Variants in DPP10 observed in about 807,000 individuals in gnomAD.
DPP10 encodes the protein dipeptidyl peptidase like 10.
DPP10 carries 33 observed loss-of-function variants against 120.9 expected under a neutral mutation model. That is an observed-to-expected ratio of 0.27 (90% confidence interval 0.21 to 0.37). The LOEUF is 0.37. DPP10 is among the 10% of genes least tolerant of loss of function. The pLI, the probability that DPP10 is intolerant of heterozygous loss-of-function variation, is 1.00. For missense variants in DPP10, 816 were observed against 942.8 expected, an observed-to-expected ratio of 0.87 and a Z score of 1.76; for synonymous variants, 337 against 326.1, an observed-to-expected ratio of 1.03 and a Z score of -0.36.
chr2:115,165,981 T>G (rs2105011242), intron 1 of DPP10, among the ~76,000 whole-genome samples: 1 of 152,366 alleles, frequency 6.6e-6, no homozygotes, highest in South Asian at 2.1e-4. Flanking sequence ...AAGCTGTCAC[T>G]TGATGAAATA....
At chr2:115,407,340 CGAAAG>C (rs2068592779) in intron 3 of DPP10, among the ~76,000 whole-genome samples, 1 of 152,138 alleles carries the variant, frequency 6.6e-6, no homozygotes, top group Non-Finnish European at 1.5e-5. Context: ...CATTCCCCCT[CGAAAG>C]GAGCACATCT....
At chr2:115,729,224 T>TAAAAAA (rs1397085942) in intron 8 of DPP10, among the ~76,000 whole-genome samples, 1 of 152,202 alleles carries the variant, frequency 6.6e-6, no homozygotes, top group Non-Finnish European at 1.5e-5. Flanking sequence ...CAGAATTTAA[T>TAAAAAA]AAACAGGTGG....
At chr2:115,841,512 A>G (rs371424797) in intron 25 of DPP10, among the ~76,000 whole-genome samples, 1 of 152,192 alleles carries the variant, frequency 6.6e-6, no homozygotes, top group African/African-American at 2.4e-5. Flanking sequence ...AAAGTTGCTC[A>G]ACCTGTCTAA....
At chr2:115,797,346 G>A (rs1684653277) in intron 19 of DPP10, among the ~76,000 whole-genome samples, 1 of 151,968 alleles carries the variant, frequency 6.6e-6, no homozygotes, top group South Asian at 2.1e-4. Context: ...AGTTCATTTT[G>A]TTTCCCAAGG....
chr2:115,019,381 A>C (rs1702904311), intron 1 of DPP10, among the ~76,000 whole-genome samples: 1 of 152,186 alleles, frequency 6.6e-6, no homozygotes, highest in Non-Finnish European at 1.5e-5. Context: ...CTGCACTTGA[A>C]AGTCTCAGCA....
intron 1 of DPP10, among the ~76,000 whole-genome samples, chr2:115,019,612 A>T (rs1344088149): frequency 6.6e-6 from 1 of 152,214 alleles, no homozygotes; most frequent in Admixed American, 6.5e-5. Context: ...ATTGAGGAAA[A>T]CTTTCCCAGC....
At chr2:115,655,376 C>T (rs2088206952) in intron 5 of DPP10, among the ~76,000 whole-genome samples, 1 of 151,612 alleles carries the variant, frequency 6.6e-6, no homozygotes, top group Admixed American at 6.6e-5. Flanking sequence ...ACCTAGTGCA[C>T]ATGTGTCAAA....
intron 1 of DPP10, among the ~76,000 whole-genome samples, chr2:114,619,962 A>G (rs1221852450): frequency 6.6e-6 from 1 of 151,992 alleles, no homozygotes; most frequent in African/African-American, 2.4e-5. Context: ...TTTAGCCAAA[A>G]ATAAAAGCCT....
intron 5 of DPP10, among the ~76,000 whole-genome samples, chr2:115,676,360 A>T (rs2090258753): frequency 6.6e-6 from 1 of 152,308 alleles, no homozygotes; most frequent in African/African-American, 2.4e-5. Flanking sequence ...AAACTGTAGG[A>T]CACACATAGA....
In DPP10 at chr2:115,713,990, G is replaced by A. The variant is rs575599470; in HGVS notation, c.577-13826G>A. 2.7e-4 allele frequency among the ~76,000 whole-genome samples: 41 copies of A among 152,274 alleles called. No individual in the cohort carries two copies. In the South Asian group the frequency reaches 4.1e-3, roughly 15 times the overall value. On this transcript the variant is annotated intron_variant, in intron 7 of 25. Transcript: ENST00000410059. ...ATCTTTTCAAGAGTTATGATGCCGA[G>A]TCATCACTGAAGACTGAATTTGGAC...
chr2:114,860,632 T>C (rs1689737206), intron 1 of DPP10, among the ~76,000 whole-genome samples: 1 of 152,220 alleles, frequency 6.6e-6, no homozygotes, highest in Non-Finnish European at 1.5e-5. Flanking sequence ...AAATTCAGCA[T>C]TAAAAATAAA....
At chr2:114,952,246 T>G (rs1030364956) in intron 1 of DPP10, among the ~76,000 whole-genome samples, 3 of 152,010 alleles carry the variant, frequency 2.0e-5, no homozygotes, top group African/African-American at 7.2e-5. Context: ...TAAATTATAT[T>G]ATTAATGATA....
chr2:115,526,442 G>A (rs1158017864), intron 5 of DPP10: 1 of 152,408 alleles, frequency 6.6e-6, no homozygotes, highest in African/African-American at 2.4e-5. Flanking sequence ...GCTTGGGGTT[G>A]TAGAAAATTT....
chr2:115,379,284 A>G (rs985486275), intron 3 of DPP10, among the ~76,000 whole-genome samples: 5 of 151,974 alleles, frequency 3.3e-5, no homozygotes, highest in East Asian at 3.9e-4. Flanking sequence ...GTCTTGGGAG[A>G]GTGTATGTGT....
At chr2:115,332,411 T>C (rs1190635804) in intron 2 of DPP10, among the ~76,000 whole-genome samples, 1 of 152,176 alleles carries the variant, frequency 6.6e-6, no homozygotes, top group Non-Finnish European at 1.5e-5. Flanking sequence ...GGGTTTTTTA[T>C]ATCTCTGTCT....
intron 3 of DPP10, among the ~76,000 whole-genome samples, chr2:115,483,499 A>T (rs2075576119): frequency 8.6e-6 from 1 of 116,346 alleles, no homozygotes; most frequent in Non-Finnish European, 1.9e-5. Context: ...ATGTGTGTGC[A>T]TTTGTGTCTG....
At chr2:114,634,717 T>A (rs1411277686) in intron 1 of DPP10, among the ~76,000 whole-genome samples, 2 of 151,874 alleles carry the variant, frequency 1.3e-5, no homozygotes, top group Non-Finnish European at 2.9e-5. Context: ...CTTAAGCAAA[T>A]TAAGTTGTAG....
At chr2:115,629,389 A>G (rs543406107) in intron 5 of DPP10, among the ~76,000 whole-genome samples, 1 of 152,152 alleles carries the variant, frequency 6.6e-6, no homozygotes, top group Non-Finnish European at 1.5e-5. Context: ...AGGAATTGCC[A>G]CACTGACTTC....
intron 11 of DPP10, 28 bp from the exon 12 acceptor site, chr2:115,762,544 C>T (rs2149791583): frequency 1.2e-6 from 2 of 1,613,146 alleles, no homozygotes; most frequent in East Asian, 4.5e-5. Flanking sequence ...TCTTTAGATG[C>T]TTCATGGAGT....
Sources: allele counts gnomAD v4.1 joint callset (sites outside exome capture counted in the v4.1 genomes callset), GRCh38; gene constraint gnomAD v4.1.1; transcripts MANE v1.5; gene names NCBI Gene and HGNC (gene_info 2026-07-23, HGNC 2026-07-21).